TGIF1: variants seen among roughly 807,000 people sequenced by gnomAD.
The protein encoded by TGIF1 is TGFB induced factor homeobox 1.
A neutral mutation model predicts 19.3 loss-of-function variants in TGIF1; 4 were observed. That is an observed-to-expected ratio of 0.21 (90% CI 0.10 to 0.47). The LOEUF is 0.47. Among genes scored for constraint, TGIF1 ranks in the 20% least tolerant of loss-of-function variants. The probability of loss-of-function intolerance (pLI) is 0.98; values close to 1 mark genes in which losing one functional copy is unlikely to be tolerated. For missense variants in TGIF1, 275 were observed against 341.4 expected (o/e 0.81, Z 1.53); for synonymous variants, 122 against 129.3 (o/e 0.94, Z 0.38).
At chr18:3,450,079 G>T, upstream of TGIF1, 4 of 1,042,408 alleles carry the variant, frequency 3.8e-6, no homozygotes, top group Non-Finnish European at 4.6e-6. Context: ...AGGTGCGGGG[G>T]AGGGGCGGAG....
upstream of TGIF1, chr18:3,447,675 A>G (rs2082767066): frequency 1.8e-5 from 28 of 1,590,672 alleles, no homozygotes; most frequent in South Asian, 2.8e-4. Flanking sequence ...AGCTTTCGCT[A>G]CATCACAGAA....
At chr18:3,449,362 C>G, upstream of TGIF1, 1 of 985,430 alleles carries the variant, frequency 1.0e-6, no homozygotes, top group Non-Finnish European at 1.2e-6. Context: ...CAGGCGGAGT[C>G]TTGGTGAGGC....
In TGIF1 at chr18:3,450,498, CAAGA is replaced by C; in HGVS notation, c.13_16del (p.Lys5ValfsTer93). 6.4e-7 allele frequency: 1 copy of C among 1,563,680 alleles called. No homozygotes were observed. Among genetic ancestry groups the C allele is most frequent in the Non-Finnish European group, 8.7e-7 (1 of 1,154,340 alleles). On this transcript the variant is annotated frameshift_variant, in exon 1 of 3. Transcript: ENST00000343820. LOFTEE classifies it high-confidence loss of function. ...GGGAGGGGAGATCCAGAATGAAAGG[CAAGA>C]AAGGTAAGGCGGCCGCGGGCTGCGC...
At chr18:3,423,476 G>A (rs936930861) in intron 2 of TGIF1, among the ~76,000 whole-genome samples, 2 of 152,092 alleles carry the variant, frequency 1.3e-5, no homozygotes, top group South Asian at 2.1e-4. Context: ...TCAGGACATC[G>A]AGACCTTCCT....
intron 1 of TGIF1, among the ~76,000 whole-genome samples, chr18:3,417,173 G>T (rs2143113985): frequency 6.6e-6 from 1 of 152,120 alleles, no homozygotes; most frequent in East Asian, 1.9e-4. Flanking sequence ...TTGTTTGTTT[G>T]TTTTGAGATG....
intron 2 of TGIF1, among the ~76,000 whole-genome samples, chr18:3,434,630 G>A (rs962678899): frequency 2.0e-5 from 3 of 152,206 alleles, no homozygotes; most frequent in African/African-American, 4.8e-5. Flanking sequence ...CAGGAGAATC[G>A]CTTGAACCCA....
Position 3,456,642 on chromosome 18 carries a change from T to C in TGIF1, c.243+62T>C. ...TTAGTTTCAAAGTCATTTTATGGCATTCCTGTGTGTCAAGTCATTAAGCTC... is the reference window on the plus strand; with the variant it reads ...TTAGTTTCAAAGTCATTTTATGGCACTCCTGTGTGTCAAGTCATTAAGCTC... On this transcript the variant is annotated intron_variant, in intron 2 of 2. Transcript: ENST00000343820. The surrounding 1 kb of genome is among the most constrained non-coding windows in gnomAD (Gnocchi z 4.2). The C allele has an allele frequency of 2.8e-6, 4 of 1,449,264 alleles. No individual in the cohort carries two copies. The highest frequency in any genetic ancestry group is 3.9e-6 in the Non-Finnish European group (4 of 1,035,536). 89.8% of individuals were successfully genotyped at this position (1,449,264 alleles called of 1,614,324 possible). A position where few individuals can be genotyped will look rare whatever the true frequency, so the allele number is the denominator to read the frequency against.
intron 1 of TGIF1, among the ~76,000 whole-genome samples, chr18:3,452,723 C>T (rs1050798855): frequency 2.6e-5 from 4 of 152,194 alleles, no homozygotes; most frequent in African/African-American, 9.7e-5. Context: ...AGGGGGGAGC[C>T]TTCCCCGTCG....
intron 2 of TGIF1, among the ~76,000 whole-genome samples, chr18:3,445,014 C>T (rs1389668844): frequency 1.3e-5 from 2 of 152,170 alleles, no homozygotes; most frequent in Non-Finnish European, 2.9e-5. Context: ...ATGCCACTGG[C>T]ACACACTGGT....
At chr18:3,455,407 C>T (rs2083135185) in intron 1 of TGIF1, 1 of 152,092 alleles carries the variant, frequency 6.6e-6, no homozygotes, top group South Asian at 2.1e-4. Flanking sequence ...AAATTTCTGG[C>T]AGGATTAAAG....
In TGIF1 at chr18:3,433,527, C is replaced by T. The variant is rs1193050887; in HGVS notation, c.-45+15312C>T. Among the ~76,000 whole-genome samples, 2 of 152,164 alleles carry T rather than the reference C, an allele frequency of 1.3e-5. 1 individual carries two copies. Among genetic ancestry groups the T allele is most frequent in the Non-Finnish European group, 2.9e-5 (2 of 68,036 alleles). ...ACACAGAAGGACAAATATTGTGATT[C>T]TACTTTTATGAAAAACCTAGAATAG... On this transcript the variant is annotated intron_variant, in intron 2 of 3. Transcript: ENST00000401449.
rs115310714 is a variant in TGIF1, at chr18:3,459,348, C to G, written c.*1408C>G. 6.6e-6 allele frequency: 1 copy of G among 152,086 alleles called. No homozygotes were observed. The highest frequency in any genetic ancestry group is 6.5e-5 in the Admixed American group (1 of 15,272). The allele number at this position is 152,086 out of a possible 1,614,324, so 9.4% of individuals were successfully genotyped here. A position where few individuals can be genotyped will look rare whatever the true frequency, so the allele number is the denominator to read the frequency against. ...AGAAAGAGCTAAACTCAAAGACTTT[C>G]CTTGTAAGTGAAAGAAAAAAACTGC... is the stretch of plus-strand genomic sequence containing the variant. On this transcript the variant is annotated 3_prime_UTR_variant, in exon 3 of 3. Coordinates refer to ENST00000343820, the MANE Select transcript of TGIF1 (RefSeq NM_003244.4).
intron 2 of TGIF1, among the ~76,000 whole-genome samples, chr18:3,432,123 CAAAAA>C (rs751364681): frequency 1.0e-5 from 1 of 98,022 alleles, no homozygotes; most frequent in Non-Finnish European, 2.0e-5. Context: ...ACAAAACTGT[CAAAAA>C]AAAAAAAAAA....
chr18:3,426,726 G>A (rs1020301), intron 2 of TGIF1, among the ~76,000 whole-genome samples: 14,680 of 152,100 alleles, frequency 0.097, 919 homozygotes, highest in Non-Finnish European at 0.13. Flanking sequence ...TTTGACATAA[G>A]AATCACACTT....
At chr18:3,440,189 A>G (rs1195175924) in intron 2 of TGIF1, among the ~76,000 whole-genome samples, 1 of 152,102 alleles carries the variant, frequency 6.6e-6, no homozygotes, top group Non-Finnish European at 1.5e-5. Context: ...GGTCTCTACT[A>G]AAAATACAAA....
At position 3,456,920 on chromosome 18, in the gene TGIF1, T is replaced by C. The variant is rs1226206073; in HGVS notation, c.243+340T>C. The C allele has an allele frequency of 1.7e-6, 1 of 594,454 alleles. No homozygotes were observed. The highest frequency in any genetic ancestry group is 3.0e-6 in the Non-Finnish European group (1 of 337,454). The allele number at this position is 594,454 out of a possible 1,614,324, so 36.8% of individuals were successfully genotyped here. The stretch of plus-strand genomic sequence containing the variant: ...AGTGAGGTAATTCATGTTATGTCTG[T>C]TGACACAGTCATTTGAACTGGGAAA... On this transcript the variant is annotated intron_variant, in intron 2 of 2. Transcript: ENST00000343820. This position sits in a 1 kb window ranked among gnomAD's most constrained non-coding sequence, Gnocchi z 4.2.
intron 2 of TGIF1, among the ~76,000 whole-genome samples, chr18:3,434,877 C>G (rs900200715): frequency 6.6e-6 from 1 of 152,192 alleles, no homozygotes; most frequent in Non-Finnish European, 1.5e-5. Flanking sequence ...CCTTTCACAC[C>G]CTTTGACCTC....
chr18:3,452,124 TC>T, intron 1 of TGIF1: 3 of 1,613,032 alleles, frequency 1.9e-6, no homozygotes, highest in East Asian at 2.2e-5. Flanking sequence ...TTTTCTGGCG[TC>T]CCCCCGACTC....
In TGIF1 at chr18:3,457,975, A is replaced by C; in HGVS notation, c.*35A>C. ...AAGCAAAACAGTTCTCAGAAATGTC[A>C]TGATTGCCGGGGTGAAGGCAAGAGA... On this transcript the variant is annotated 3_prime_UTR_variant, in exon 3 of 3. Transcript: ENST00000343820. This position sits in a 1 kb window ranked among gnomAD's most constrained non-coding sequence, Gnocchi z 4.9. 2.7e-5 allele frequency: 42 copies of C among 1,582,232 alleles called. No homozygotes were observed. The highest frequency in any genetic ancestry group is 3.4e-5 in the Non-Finnish European group (39 of 1,164,060).
Sources: allele counts gnomAD v4.1 joint callset (sites outside exome capture counted in the v4.1 genomes callset), GRCh38; gene constraint gnomAD v4.1.1; non-coding constraint Gnocchi (gnomAD v3.1); transcripts MANE v1.5; gene names NCBI Gene and HGNC (gene_info 2026-07-23, HGNC 2026-07-21).